AMPH: variants seen among roughly 807,000 people sequenced by gnomAD.
AMPH encodes amphiphysin (Stiff-Mann syndrome with breast cancer 128kD autoantigen).
In AMPH, 49 loss-of-function variants were observed where a neutral mutation model predicts 99.1. The ratio of observed to expected loss-of-function variants is 0.49; its 90% CI spans 0.39 to 0.63. The LOEUF is 0.63. Ranked by LOEUF, AMPH falls within the 20% of genes least tolerant of loss-of-function variation. The pLI, the probability that AMPH is intolerant of heterozygous loss-of-function variation, is 0.00. For missense variants in AMPH, 759 were observed against 863.4 expected, an observed-to-expected ratio of 0.88 and a Z score of 1.52; for synonymous variants, 314 against 317.3, an observed-to-expected ratio of 0.99 and a Z score of 0.11.
intron 16 of AMPH, among the ~76,000 whole-genome samples, chr7:38,419,218 G>A (rs1225357865): frequency 1.3e-5 from 2 of 152,050 alleles, no homozygotes; most frequent in East Asian, 3.9e-4. Flanking sequence ...ACATTTATCT[G>A]AGTCAGTGCA....
intron 5 of AMPH, among the ~76,000 whole-genome samples, chr7:38,482,263 T>C (rs1161202848): frequency 6.6e-6 from 1 of 152,104 alleles, no homozygotes; most frequent in Non-Finnish European, 1.5e-5. Flanking sequence ...CTTTCCATGA[T>C]ACATAGAAAA....
chr7:38,625,971 T>C lies in AMPH; in HGVS notation c.69+5312A>G, dbSNP rs1360167213. On this transcript the variant is annotated intron_variant, in intron 1 of 20. Transcript: ENST00000356264. ...TTGCAATAACAATTTTTGTTCAGTG[T>C]ATAATTGGGGGAAGAACTAGAGGAG... 2.0e-5 allele frequency among the ~76,000 whole-genome samples: 3 copies of C among 152,188 alleles called. No homozygotes were observed. In the East Asian group the frequency reaches 5.8e-4, roughly 29 times the overall value.
chr7:38,487,016 A>T (rs1305216476), intron 5 of AMPH, among the ~76,000 whole-genome samples: 2 of 152,142 alleles, frequency 1.3e-5, no homozygotes, highest in African/African-American at 4.8e-5. Context: ...CATCAGAAAC[A>T]AGACAAGGAT....
chr7:38,503,601 A>G (rs1188238083), intron 3 of AMPH, 49 bp downstream of exon 3: 1 of 1,588,670 alleles, frequency 6.3e-7, no homozygotes, highest in Non-Finnish European at 8.6e-7. Context: ...ATGAATTCCA[A>G]GAACAACCTG....
At chr7:38,490,806 A>C (rs1291743301) in intron 5 of AMPH, among the ~76,000 whole-genome samples, 5 of 152,230 alleles carry the variant, frequency 3.3e-5, no homozygotes, top group Non-Finnish European at 7.3e-5. Flanking sequence ...CTATAGGTTT[A>C]AAAAGACTTC....
chr7:38,460,285 C>T (rs1787390602), intron 11 of AMPH, among the ~76,000 whole-genome samples: 1 of 152,012 alleles, frequency 6.6e-6, no homozygotes, highest in Admixed American at 6.6e-5. Context: ...TAGGGAGATT[C>T]CTCAAAAAAA....
At chr7:38,455,968 A>G (rs1787216956) in intron 11 of AMPH, among the ~76,000 whole-genome samples, 1 of 152,224 alleles carries the variant, frequency 6.6e-6, no homozygotes, top group Non-Finnish European at 1.5e-5. Context: ...CCAAGAAATG[A>G]GAAAACTGCA....
At chr7:38,584,331 G>A (rs1363684416) in intron 1 of AMPH, among the ~76,000 whole-genome samples, 1 of 152,180 alleles carries the variant, frequency 6.6e-6, no homozygotes, top group Non-Finnish European at 1.5e-5. Flanking sequence ...TTTCTGCAAG[G>A]AGCCCTGGTA....
chr7:38,517,182 T>C (rs1789778913), intron 2 of AMPH, among the ~76,000 whole-genome samples: 1 of 152,096 alleles, frequency 6.6e-6, no homozygotes, highest in Non-Finnish European at 1.5e-5. Context: ...GAGAAGGACA[T>C]GAGATTTGGG....
chr7:38,397,956 A>T (rs2128977826), intron 17 of AMPH, among the ~76,000 whole-genome samples: 1 of 152,250 alleles, frequency 6.6e-6, no homozygotes, highest in Admixed American at 6.5e-5. Context: ...CTACAATGAG[A>T]TCTCATCTCA....
Position 38,519,476 on chromosome 7 carries a change from T to C in AMPH, c.150+15455A>G, listed in dbSNP as rs1789874046. On this transcript the variant is annotated intron_variant, in intron 2 of 20. Coordinates refer to ENST00000356264, the MANE Select transcript of AMPH (RefSeq NM_001635.4). ...GTAAAAATATTATCCCATAAGAGAA[T>C]AGTCTTACTCCAAAACCCAGTATAT... 3.3e-5 allele frequency among the ~76,000 whole-genome samples: 5 copies of C among 152,186 alleles called. No homozygotes were observed. The South Asian group carries it at 1.0e-3, about 31-fold the overall frequency.
intron 14 of AMPH, among the ~76,000 whole-genome samples, chr7:38,427,233 ACCAAAACCCAC>A (rs1212992231): frequency 2.0e-5 from 3 of 152,164 alleles, no homozygotes; most frequent in Non-Finnish European, 4.4e-5. Context: ...CTTGGTGCCA[ACCAAAACCCAC>A]TTTCTCTATA....
chr7:38,515,164 T>C (rs534293360), intron 2 of AMPH, among the ~76,000 whole-genome samples: 1 of 152,322 alleles, frequency 6.6e-6, no homozygotes, highest in African/African-American at 2.4e-5. Context: ...ATCCTTGTTA[T>C]ACAGTAACAA....
chr7:38,598,586 T>C (rs1209423042), intron 1 of AMPH, among the ~76,000 whole-genome samples: 1 of 152,034 alleles, frequency 6.6e-6, no homozygotes, highest in Admixed American at 6.6e-5. Context: ...ACAGGCGTGA[T>C]GCAATGTTTT....
intron 7 of AMPH, among the ~76,000 whole-genome samples, chr7:38,467,310 A>G (rs1184351259): frequency 6.6e-6 from 1 of 152,184 alleles, no homozygotes; most frequent in African/African-American, 2.4e-5. Flanking sequence ...GTATTTGAGG[A>G]AGCTAATTAA....
intron 1 of AMPH, among the ~76,000 whole-genome samples, chr7:38,578,308 C>A (rs758322803): frequency 6.6e-6 from 1 of 152,112 alleles, no homozygotes; most frequent in Non-Finnish European, 1.5e-5. Context: ...AAGGACTTAG[C>A]AAGTTATGTT....
At chr7:38,509,249 T>C (rs1471202475) in intron 2 of AMPH, among the ~76,000 whole-genome samples, 1 of 152,184 alleles carries the variant, frequency 6.6e-6, no homozygotes, top group East Asian at 1.9e-4. Context: ...GCAGTCATAT[T>C]CCTGGGATGA....
chr7:38,498,454 G>A (rs1441912956), intron 3 of AMPH, among the ~76,000 whole-genome samples: 2 of 152,170 alleles, frequency 1.3e-5, no homozygotes, highest in South Asian at 2.1e-4. Flanking sequence ...TCCATTACAT[G>A]TGATTCATGT....
At chr7:38,404,780 A>G (rs957026687) in intron 17 of AMPH, among the ~76,000 whole-genome samples, 1 of 152,200 alleles carries the variant, frequency 6.6e-6, no homozygotes, top group African/African-American at 2.4e-5. Context: ...TCCCTCAAAC[A>G]TATTTGAGGG....
Sources: gnomAD v4.1 joint callset for allele counts (sites outside exome capture counted in the v4.1 genomes callset) on GRCh38, gnomAD v4.1.1 for gene constraint, MANE v1.5 for transcripts, NCBI Gene and HGNC (gene_info 2026-07-23, HGNC 2026-07-21) for gene names.